Variants in JAKMIP1 observed in about 807,000 individuals in gnomAD.
The protein encoded by JAKMIP1 is janus kinase and microtubule-interacting protein 1.
In JAKMIP1, 33 loss-of-function variants were observed where a neutral mutation model predicts 113.0. The observed-to-expected ratio is 0.29, with a 90% CI of 0.22 to 0.39. The LOEUF (loss-of-function observed/expected upper bound fraction) is 0.39, where lower values mean the gene tolerates loss of function less well. Ranked by LOEUF, JAKMIP1 falls within the 10% of genes least tolerant of loss-of-function variation. The pLI, the probability that JAKMIP1 is intolerant of heterozygous loss-of-function variation, is 1.00. For synonymous variants in JAKMIP1, 480 were observed against 459.9 expected (o/e 1.04, Z -0.56); for missense variants, 813 against 1,080.5 (o/e 0.75, Z 3.47).
At position 6,154,449 on chromosome 4, in the gene JAKMIP1, T is replaced by C. The variant is rs1721986204; in HGVS notation, c.-147-41452A>G. ...CAAGCTAAAAACCGAACAGAAGCCT[T>C]TAGTTCCCTGAGTGATTGGACAAGG... On this transcript the variant is annotated intron_variant, in intron 1 of 20. Coordinates refer to ENST00000409021, the MANE Select transcript of JAKMIP1 (RefSeq NM_001099433.2). This position sits in a 1 kb window ranked among gnomAD's most constrained non-coding sequence, Gnocchi z 4.2. Among the ~76,000 whole-genome samples, 1 of 151,498 alleles carries C rather than the reference T, an allele frequency of 6.6e-6. No individual in the cohort carries two copies. Among genetic ancestry groups the C allele is most frequent in the Non-Finnish European group, 1.5e-5 (1 of 67,874 alleles).
intron 5 of JAKMIP1, among the ~76,000 whole-genome samples, chr4:6,084,273 T>A (rs1720971285): frequency 6.8e-6 from 1 of 147,964 alleles, no homozygotes. Context: ...GCCAAGATGG[T>A]GCCAATTGCA....
At position 6,051,487 on chromosome 4, in the gene JAKMIP1, G is replaced by A. The variant is rs981400663; in HGVS notation, c.1807-808C>T. Among the ~76,000 whole-genome samples, 47 of 152,088 alleles carry A rather than the reference G, an allele frequency of 3.1e-4. No individual in the cohort carries two copies. Among genetic ancestry groups the A allele is most frequent in the Admixed American group, 1.3e-3 (20 of 15,286 alleles). On this transcript the variant is annotated intron_variant, in intron 13 of 20. Transcript: ENST00000409021. This position sits in a 1 kb window ranked among gnomAD's most constrained non-coding sequence, Gnocchi z 5.0. ...TCCAGAGACCTCAGGTGATCCACCC[G>A]CCTCGGCCTCCCAAAGTGCTGGGAT... is the stretch of plus-strand genomic sequence containing the variant.
intron 4 of JAKMIP1, 43 bp downstream of exon 4, chr4:6,085,377 G>A (rs758035224): frequency 1.9e-6 from 3 of 1,585,640 alleles, no homozygotes; most frequent in East Asian, 2.3e-5. Flanking sequence ...ACCTAAATGG[G>A]TGGGGGACCA....
chr4:6,132,657 A>AG (rs1253310393), intron 1 of JAKMIP1, among the ~76,000 whole-genome samples: 2 of 151,936 alleles, frequency 1.3e-5, no homozygotes, highest in African/African-American at 4.8e-5. Flanking sequence ...TAAAAAAAAA[A>AG]AAAAAGAAAG....
At chr4:6,121,650 C>T (rs1370783199) in intron 1 of JAKMIP1, among the ~76,000 whole-genome samples, 2 of 152,232 alleles carry the variant, frequency 1.3e-5, no homozygotes, top group African/African-American at 2.4e-5. Context: ...TGGAGTGAGC[C>T]CTCGGCACAC....
At position 6,064,155 on chromosome 4, in the gene JAKMIP1, C is replaced by G. The variant is rs1427496063; in HGVS notation, c.1431+725G>C. ...GTGGGGAGCAAGGGGAAGGTCTGCG[C>G]TGAATGAAGTCTGCTGTTTAGGAAA... On this transcript the variant is annotated intron_variant, in intron 9 of 20. Transcript: ENST00000409021. This position sits in a 1 kb window ranked among gnomAD's most constrained non-coding sequence, Gnocchi z 4.3. Among the ~76,000 whole-genome samples the G allele has an allele frequency of 6.6e-6, 1 of 152,242 alleles. No individual in the cohort carries two copies. Among genetic ancestry groups the G allele is most frequent in the Non-Finnish European group, 1.5e-5 (1 of 68,044 alleles).
At chr4:6,169,463 G>C (rs542514411) in intron 1 of JAKMIP1, among the ~76,000 whole-genome samples, 1 of 152,134 alleles carries the variant, frequency 6.6e-6, no homozygotes, top group Non-Finnish European at 1.5e-5. Context: ...AGTGAAGAAC[G>C]ATCCTCCACT....
rs1721807589 is a variant in JAKMIP1, at chr4:6,089,950, A to G, written c.625-4321T>C. 6.6e-6 allele frequency among the ~76,000 whole-genome samples: 1 copy of G among 152,210 alleles called. No individual in the cohort carries two copies. The highest frequency in any genetic ancestry group is 6.5e-5 in the Admixed American group (1 of 15,272). On this transcript the variant is annotated intron_variant, in intron 3 of 20. Coordinates refer to ENST00000409021, the MANE Select transcript of JAKMIP1 (RefSeq NM_001099433.2). The surrounding 1 kb of genome is among the most constrained non-coding windows in gnomAD (Gnocchi z 5.3). ...AAACCCACTGACTGGCATCCTTAAAAGAAGAGGACACCTGTAATCCCAGCA... is the reference window on the plus strand; with the variant it reads ...AAACCCACTGACTGGCATCCTTAAAGGAAGAGGACACCTGTAATCCCAGCA...
rs944471726 is a variant in JAKMIP1 at position 6,135,909 on chromosome 4, G to A, written c.-147-22912C>T. 6.6e-5 allele frequency among the ~76,000 whole-genome samples: 10 copies of A among 151,274 alleles called. No homozygotes were observed. Among genetic ancestry groups the A allele is most frequent in the South Asian group, 2.1e-4 (1 of 4,752 alleles). ...CTTAAGAAATGGTGGGGGGAGAGGT[G>A]GGGGGGGACAGCAAAAATAAGGAGT... is the stretch of plus-strand genomic sequence containing the variant. On this transcript the variant is annotated intron_variant, in intron 1 of 20. Transcript: ENST00000409021. The surrounding 1 kb of genome is among the most constrained non-coding windows in gnomAD (Gnocchi z 4.9).
intron 8 of JAKMIP1, among the ~76,000 whole-genome samples, chr4:6,073,079 A>T (rs1314338262): frequency 7.5e-5 from 5 of 67,086 alleles, no homozygotes; most frequent in Non-Finnish European, 1.4e-4. Context: ...CTCTGTCTTA[A>T]AAAAAAAAAA....
At position 6,106,875 on chromosome 4, in the gene JAKMIP1, G is replaced by A. The variant is rs538783689; in HGVS notation, c.130-908C>T. On this transcript the variant is annotated intron_variant, in intron 2 of 20. Coordinates refer to ENST00000409021, the MANE Select transcript of JAKMIP1 (RefSeq NM_001099433.2). The surrounding 1 kb of genome is among the most constrained non-coding windows in gnomAD (Gnocchi z 5.9). ...GAAGACCTGAAATGAATTGCCTCTG[G>A]TGGACAAGCTGCTTCCAGGGAAAAT... 1.3e-5 allele frequency among the ~76,000 whole-genome samples: 2 copies of A among 152,230 alleles called. No homozygotes were observed. The highest frequency in any genetic ancestry group is 3.4e-3 in the Middle Eastern group (1 of 294).
At chr4:6,054,883 C>T (rs1464372302) in intron 12 of JAKMIP1, 5 of 456,286 alleles carry the variant, frequency 1.1e-5, no homozygotes, top group Non-Finnish European at 2.2e-5. Context: ...GGCCCTCTGC[C>T]AGGTGATCCC....
rs1288176280 is a variant in JAKMIP1, at chr4:6,184,904, C to G, written c.-148+15349G>C. ...GGCACCATCTCATCAGCTGCCAGCA[C>G]AGCTAGAATAAAGAAGGCAGAATTT... On this transcript the variant is annotated intron_variant, in intron 1 of 20. Transcript: ENST00000409021. This position sits in a 1 kb window ranked among gnomAD's most constrained non-coding sequence, Gnocchi z 4.5. Among the ~76,000 whole-genome samples, 1 of 152,200 alleles carries G rather than the reference C, an allele frequency of 6.6e-6. No individual in the cohort carries two copies. Among genetic ancestry groups the G allele is most frequent in the African/African-American group, 2.4e-5 (1 of 41,456 alleles).
In JAKMIP1 at chr4:6,097,465, G is replaced by T. The variant is rs992913526; in HGVS notation, c.624+8008C>A. On this transcript the variant is annotated intron_variant, in intron 3 of 20. Coordinates refer to ENST00000409021, the MANE Select transcript of JAKMIP1 (RefSeq NM_001099433.2). This position sits in a 1 kb window ranked among gnomAD's most constrained non-coding sequence, Gnocchi z 4.3. The stretch of plus-strand genomic sequence containing the variant: ...TATCACAGCTGATGGGGGCTAGGGG[G>T]ATCTTTTTTCCCCTTGGGTATGCTA... 6.6e-6 allele frequency among the ~76,000 whole-genome samples: 1 copy of T among 152,150 alleles called. No individual in the cohort carries two copies. Among genetic ancestry groups the T allele is most frequent in the Non-Finnish European group, 1.5e-5 (1 of 68,018 alleles).
At chr4:6,117,247 A>C (rs531382649) in intron 1 of JAKMIP1, among the ~76,000 whole-genome samples, 59 of 152,176 alleles carry the variant, frequency 3.9e-4, no homozygotes, top group African/African-American at 1.3e-3. Flanking sequence ...GTTCTTTTCT[A>C]TTTTTCTAAG....
intron 1 of JAKMIP1, among the ~76,000 whole-genome samples, chr4:6,175,708 G>A (rs1233404845): frequency 2.6e-5 from 4 of 152,126 alleles, no homozygotes; most frequent in South Asian, 2.1e-4. Context: ...CACCCTGCTC[G>A]TGCCTGGGGC....
rs1158348325 is a variant in JAKMIP1 at position 6,154,009 on chromosome 4, T to C, written c.-147-41012A>G. Among the ~76,000 whole-genome samples, 2 of 152,176 alleles carry C rather than the reference T, an allele frequency of 1.3e-5. No individual in the cohort carries two copies. The highest frequency in any genetic ancestry group is 2.9e-5 in the Non-Finnish European group (2 of 68,026). ...CCAGGTCTTGTATGCGGCAGATGTTTACTAAATACTGGCTGCTGAACCAGA... is the reference window on the plus strand; with the variant it reads ...CCAGGTCTTGTATGCGGCAGATGTTCACTAAATACTGGCTGCTGAACCAGA... On this transcript the variant is annotated intron_variant, in intron 1 of 20. Coordinates refer to ENST00000409021, the MANE Select transcript of JAKMIP1 (RefSeq NM_001099433.2). This position sits in a 1 kb window ranked among gnomAD's most constrained non-coding sequence, Gnocchi z 4.2.
intron 11 of JAKMIP1, among the ~76,000 whole-genome samples, chr4:6,057,798 G>A (rs979280629): frequency 6.6e-6 from 1 of 152,240 alleles, no homozygotes; most frequent in Admixed American, 6.5e-5. Flanking sequence ...CTACTGGGAT[G>A]TTAGCAGAGG....
chr4:6,079,561 C>T (rs1258921632), intron 7 of JAKMIP1, among the ~76,000 whole-genome samples: 1 of 152,200 alleles, frequency 6.6e-6, no homozygotes, highest in Non-Finnish European at 1.5e-5. Context: ...CTTCTAAGAT[C>T]CAACTAAAGC....
Sources: allele counts gnomAD v4.1 joint callset (sites outside exome capture counted in the v4.1 genomes callset), GRCh38; gene constraint gnomAD v4.1.1; non-coding constraint Gnocchi (gnomAD v3.1); transcripts MANE v1.5; gene names NCBI Gene and HGNC (gene_info 2026-07-23, HGNC 2026-07-21).